Variants in TCF20 observed in about 807,000 individuals in gnomAD.
The protein encoded by TCF20 is SPRE-binding protein.
TCF20 carries 3 observed loss-of-function variants against 148.6 expected under a neutral mutation model. The observed-to-expected ratio is 0.02, with a 90% CI of 0.01 to 0.05. TCF20 has a LOEUF of 0.05. TCF20 is among the 10% of genes least tolerant of loss of function. The probability of loss-of-function intolerance (pLI) is 1.00; values close to 1 mark genes in which losing one functional copy is unlikely to be tolerated. For missense variants in TCF20, 2,350 were observed against 2,429.3 expected (o/e 0.97, Z 0.69); for synonymous variants, 1,049 against 909.5 (o/e 1.15, Z -2.76).
chr22:42,161,525 C>A (rs969290252), intron 5 of TCF20, among the ~76,000 whole-genome samples, 167 bp from the exon 6 acceptor site: 1 of 152,220 alleles, frequency 6.6e-6, no homozygotes, highest in Non-Finnish European at 1.5e-5. Flanking sequence ...ATGCCAGGGC[C>A]ACTGTGTGGC....
chr22:42,245,412 C>T (rs1924823066), intron 1 of TCF20, among the ~76,000 whole-genome samples: 1 of 152,104 alleles, frequency 6.6e-6, no homozygotes, highest in Non-Finnish European at 1.5e-5. Context: ...CTCATCTCGG[C>T]CCTGCAAAAA....
At chr22:42,285,789 C>G (rs1601693452), upstream of TCF20, among the ~76,000 whole-genome samples, 1 of 151,910 alleles carries the variant, frequency 6.6e-6, no homozygotes, top group Non-Finnish European at 1.5e-5. The surrounding 1 kb of genome is among the most constrained non-coding windows in gnomAD (Gnocchi z 4.2). Context: ...ACAAACCATG[C>G]TCTCTCTTGC....
chr22:42,233,109 C>A (rs1172266558), intron 1 of TCF20, among the ~76,000 whole-genome samples: 1 of 151,960 alleles, frequency 6.6e-6, no homozygotes, highest in Non-Finnish European at 1.5e-5. Flanking sequence ...TTAGTAGAGG[C>A]GAGGTTTTAA....
rs1380898608 is a variant in TCF20, at chr22:42,338,849, T to C, written c.-37+4630A>G. Among the ~76,000 whole-genome samples, 4 of 152,188 alleles carry C rather than the reference T, an allele frequency of 2.6e-5. No homozygotes were observed. Among genetic ancestry groups the C allele is most frequent in the African/African-American group, 9.7e-5 (4 of 41,442 alleles). ...TGGGCTGGAGTCCCTTCAGATGCATTATAAATATAAAGGCTAAAATTCTGA... is the reference window on the plus strand; with the variant it reads ...TGGGCTGGAGTCCCTTCAGATGCATCATAAATATAAAGGCTAAAATTCTGA... On this transcript the variant is annotated intron_variant, in intron 1 of 1. Transcript: ENST00000515426. The surrounding 1 kb of genome is among the most constrained non-coding windows in gnomAD (Gnocchi z 4.0).
At chr22:42,267,062 G>A (rs1164152087) in intron 1 of TCF20, among the ~76,000 whole-genome samples, 1 of 152,170 alleles carries the variant, frequency 6.6e-6, no homozygotes, top group Non-Finnish European at 1.5e-5. Flanking sequence ...CTGAGGTCGA[G>A]TTTGAGACCA....
intron 1 of TCF20, among the ~76,000 whole-genome samples, chr22:42,307,787 G>A (rs890364098): frequency 1.3e-5 from 2 of 152,098 alleles, no homozygotes; most frequent in African/African-American, 4.8e-5. Context: ...TCTGAGCCTC[G>A]GTCTCTTCAC....
In TCF20 at chr22:42,317,527, C is replaced by T. The variant is rs1363419549; in HGVS notation, c.-37+25952G>A. 1.3e-5 allele frequency among the ~76,000 whole-genome samples: 2 copies of T among 152,196 alleles called. No individual in the cohort carries two copies. The highest frequency in any genetic ancestry group is 4.8e-5 in the African/African-American group (2 of 41,450). Reference sequence around the variant, plus strand: ...CTCATTACCCACTCACTACCTGGTACATGGGCAAAGAAAAATACCCCCATC... The same window carrying T: ...CTCATTACCCACTCACTACCTGGTATATGGGCAAAGAAAAATACCCCCATC... On this transcript the variant is annotated intron_variant, in intron 1 of 1. Transcript: ENST00000515426. This position sits in a 1 kb window ranked among gnomAD's most constrained non-coding sequence, Gnocchi z 4.2.
chr22:42,215,450 G>A (rs548089040), intron 1 of TCF20, 109 bp from the exon 2 acceptor site: 6 of 1,354,998 alleles, frequency 4.4e-6, no homozygotes, highest in African/African-American at 4.4e-5. Context: ...AGATGAAGCT[G>A]ACTGGTTTGA....
At chr22:42,246,008 T>A (rs1415437769) in intron 1 of TCF20, among the ~76,000 whole-genome samples, 1 of 152,196 alleles carries the variant, frequency 6.6e-6, no homozygotes, top group Non-Finnish European at 1.5e-5. Context: ...CTAGGACTCA[T>A]CCCCAAACTC....
intron 1 of TCF20, among the ~76,000 whole-genome samples, chr22:42,245,654 A>G (rs1486633993): frequency 6.6e-6 from 1 of 152,184 alleles, no homozygotes; most frequent in Non-Finnish European, 1.5e-5. Context: ...CGCGATGTCA[A>G]CCTTTCTGCC....
chr22:42,204,076 C>CA (rs1392494460), intron 2 of TCF20, among the ~76,000 whole-genome samples: 2 of 152,130 alleles, frequency 1.3e-5, no homozygotes, highest in East Asian at 3.8e-4. Flanking sequence ...ATAATGTAAT[C>CA]AATCTATTTT....
chr22:42,241,969 T>C (rs1470881311), intron 1 of TCF20, among the ~76,000 whole-genome samples: 1 of 151,790 alleles, frequency 6.6e-6, no homozygotes, highest in African/African-American at 2.4e-5. Flanking sequence ...TTAGGAGGCT[T>C]AGGCGGGCAG....
intron 2 of TCF20, among the ~76,000 whole-genome samples, chr22:42,199,119 C>A (rs988168055): frequency 6.6e-6 from 1 of 152,052 alleles, no homozygotes; most frequent in Non-Finnish European, 1.5e-5. Flanking sequence ...ATCAGGATTG[C>A]GGCATTCTTC....
In TCF20 at chr22:42,211,268, T is replaced by C; in HGVS notation, c.4038A>G (p.Lys1346=). Reference sequence around the variant, plus strand: ...TAGCTTCCAATTTCAATCCCCGTCCTTTCCGTGGGGGCAGTATTTTGGTCT... The same window carrying C: ...TAGCTTCCAATTTCAATCCCCGTCCCTTCCGTGGGGGCAGTATTTTGGTCT... ...PAKTKILPPR[K]GRGLKLEAIV... The change falls in exon 2 of 6, where the codon AAA becomes AAG. Residue 1346 remains lysine, a synonymous_variant. Transcript: ENST00000677622. 1 of 1,614,202 alleles carries C rather than the reference T, an allele frequency of 6.2e-7. No individual in the cohort carries two copies. Among genetic ancestry groups the C allele is most frequent in the Admixed American group, 1.7e-5 (1 of 60,022 alleles).
chr22:42,161,970 G>GTTTT (rs1569090301), intron 5 of TCF20, among the ~76,000 whole-genome samples: 3 of 75,100 alleles, frequency 4.0e-5, no homozygotes, highest in Non-Finnish European at 7.3e-5. Flanking sequence ...GCTAATGACA[G>GTTTT]TCTTTTTTTT....
At chr22:42,167,250 C>T (rs903125971) in intron 5 of TCF20, among the ~76,000 whole-genome samples, 2 of 152,242 alleles carry the variant, frequency 1.3e-5, no homozygotes, top group Non-Finnish European at 2.9e-5. Flanking sequence ...AGAAGGCACT[C>T]AGCAGCCCCC....
chr22:42,239,177 A>G (rs1299792775), intron 1 of TCF20, among the ~76,000 whole-genome samples: 1 of 151,196 alleles, frequency 6.6e-6, no homozygotes, highest in South Asian at 2.1e-4. Context: ...ATGACAGATA[A>G]CAATTTTAAA....
Position 42,215,154 on chromosome 22 carries a change from C to A in TCF20, c.152G>T (p.Ser51Ile). The A allele has an allele frequency of 6.2e-7, 1 of 1,613,862 alleles. No individual in the cohort carries two copies. The highest frequency in any genetic ancestry group is 8.5e-7 in the Non-Finnish European group (1 of 1,179,832). The change falls in exon 2 of 6, where the codon AGT (serine) becomes ATT (isoleucine). Residue 51 changes from serine to isoleucine, a missense_variant. Ser to Ile is a moderately radical substitution (Grantham distance 142). Around this residue, in one of 7 missense-constraint regions of TCF20, gnomAD observed 1,641 missense variants for 1,662.6 expected, o/e 0.99. Coordinates refer to ENST00000677622, the MANE Select transcript of TCF20 (RefSeq NM_001378418.1). Reference sequence around the variant, plus strand: ...TCGTCCACCACCACTGCCACTGCCACTGCTGCCACTACTGCCACCTGTACC... The same window carrying A: ...TCGTCCACCACCACTGCCACTGCCAATGCTGCCACTACTGCCACCTGTACC... ...FGGTGGSSGS[S>I]GSGSGGGRRG...
chr22:42,212,027 T>C lies in TCF20; in HGVS notation c.3279A>G (p.Gln1093=), dbSNP rs754066529. 53 of 1,614,106 alleles carry C rather than the reference T, an allele frequency of 3.3e-5. No homozygotes were observed. Among genetic ancestry groups the C allele is most frequent in the Non-Finnish European group, 4.0e-5 (47 of 1,180,054 alleles). ...LHYKRQMYQQ[Q]PEEYKDWSSG... is the part of the protein sequence containing the mutation. ...TGCTCCAGTCTTTATACTCCTCTGG[T>C]TGCTGTTGGTACATCTGTCTCTTAT... is the stretch of plus-strand genomic sequence containing the variant. The change falls in exon 2 of 6, where the codon CAA becomes CAG. Residue 1093 remains glutamine (Q), a synonymous_variant. Coordinates refer to ENST00000677622, the MANE Select transcript of TCF20 (RefSeq NM_001378418.1).
Sources: allele counts gnomAD v4.1 joint callset (sites outside exome capture counted in the v4.1 genomes callset), GRCh38; gene constraint gnomAD v4.1.1; regional missense constraint gnomAD v4.1.1; non-coding constraint Gnocchi (gnomAD v3.1); transcripts MANE v1.5; gene names NCBI Gene and HGNC (gene_info 2026-07-23, HGNC 2026-07-21).